Variants in ARHGAP21 observed in about 807,000 individuals in gnomAD.
ARHGAP21 encodes rho GTPase-activating protein 21.
A neutral mutation model predicts 164.6 loss-of-function variants in ARHGAP21; 38 were observed. The observed-to-expected ratio is 0.23, with a 90% CI of 0.18 to 0.30. ARHGAP21 has a LOEUF of 0.30. ARHGAP21 is among the 10% of genes least tolerant of loss of function. ARHGAP21 has a pLI of 1.00. For synonymous variants in ARHGAP21, 766 were observed against 857.9 expected, an observed-to-expected ratio of 0.89 and a Z score of 1.87; for missense variants, 1,822 against 2,370.7, an observed-to-expected ratio of 0.77 and a Z score of 4.81.
chr10:24,722,599 C>G (rs1478369025), intron 1 of ARHGAP21: 1 of 152,282 alleles, frequency 6.6e-6, no homozygotes, highest in Admixed American at 6.5e-5. Context: ...ATCACCCAGA[C>G]AGGGACACTT....
intron 5 of ARHGAP21, among the ~76,000 whole-genome samples, chr10:24,634,570 T>C (rs1423769093): frequency 6.6e-6 from 1 of 152,220 alleles, no homozygotes; most frequent in African/African-American, 2.4e-5. Context: ...AGGCTTATGT[T>C]CCGCATTGGA....
intron 2 of ARHGAP21, among the ~76,000 whole-genome samples, chr10:24,681,000 AG>A (rs1168598067): frequency 6.6e-6 from 1 of 152,216 alleles, no homozygotes; most frequent in Non-Finnish European, 1.5e-5. Context: ...TAATAACTCA[AG>A]GTTAAAAGAA....
intron 7 of ARHGAP21, chr10:24,628,952 C>CTATATATATATATATATATATATA (rs71397962): frequency 1.5e-4 from 2 of 13,764 alleles, no homozygotes; most frequent in Non-Finnish European, 2.2e-4. Context: ...CACACACACA[C>CTATATATATATATATATATATATA]TATATATATA....
intron 25 of ARHGAP21, among the ~76,000 whole-genome samples, chr10:24,586,581 T>C (rs1252137484): frequency 3.9e-5 from 6 of 152,214 alleles, no homozygotes; most frequent in African/African-American, 1.4e-4. Flanking sequence ...CTGACTTTGA[T>C]TTTTCTAATT....
In ARHGAP21 at chr10:24,584,574, T is replaced by G; in HGVS notation, c.5715A>C (p.Ser1905=). ...NTGSSSSTLA[S]TNRPLLSIPP... ...GTATGGAAAGAAGGGGCCTGTTTGT[T>G]GAAGCCAAGGTGCTGGAAGAACTGC... The change falls in exon 26 of 26, where the codon TCA becomes TCC. Residue 1905 remains serine, a synonymous_variant. Coordinates refer to ENST00000396432, the MANE Select transcript of ARHGAP21 (RefSeq NM_020824.4). 1 of 1,613,946 alleles carries G rather than the reference T, an allele frequency of 6.2e-7. No homozygotes were observed. Among genetic ancestry groups the G allele is most frequent in the Non-Finnish European group, 8.5e-7 (1 of 1,179,860 alleles).
At chr10:24,702,726 A>G (rs1345341580) in intron 2 of ARHGAP21, among the ~76,000 whole-genome samples, 1 of 152,086 alleles carries the variant, frequency 6.6e-6, no homozygotes, top group African/African-American at 2.4e-5. Context: ...ATCTGGGACT[A>G]CAGGTGTGCA....
At chr10:24,721,683 C>T (rs1845954270) in intron 2 of ARHGAP21, among the ~76,000 whole-genome samples, 154 bp downstream of exon 2, 1 of 152,250 alleles carries the variant, frequency 6.6e-6, no homozygotes, top group Non-Finnish European at 1.5e-5. Flanking sequence ...CCAGGCTTCT[C>T]CTCGCTACTG....
intron 11 of ARHGAP21, among the ~76,000 whole-genome samples, chr10:24,606,765 C>T (rs1040374753): frequency 2.6e-5 from 4 of 152,050 alleles, no homozygotes; most frequent in Admixed American, 6.6e-5. Context: ...CGCTTGAACC[C>T]GGGAGGTGGA....
chr10:24,585,498 A>C lies in ARHGAP21; in HGVS notation c.4791T>G (p.Thr1597=), dbSNP rs1564943506. 1 of 1,614,152 alleles carries C rather than the reference A, an allele frequency of 6.2e-7. No individual in the cohort carries two copies. Among genetic ancestry groups the C allele is most frequent in the Non-Finnish European group, 8.5e-7 (1 of 1,180,046 alleles). Residue 1597 remains threonine (T), a synonymous_variant, in exon 26 of 26, where the codon ACT becomes ACG. Coordinates refer to ENST00000396432, the MANE Select transcript of ARHGAP21 (RefSeq NM_020824.4). ...YSTTSSATYL[T]SLDSSRLSPE... ...GGCTCAGTCGACTGGAGTCCAGGCT[A>C]GTCAAGTATGTAGCAGACGATGTGG...
intron 2 of ARHGAP21, among the ~76,000 whole-genome samples, chr10:24,701,340 T>C (rs1000747172): frequency 1.2e-4 from 19 of 152,194 alleles, no homozygotes; most frequent in African/African-American, 4.6e-4. Flanking sequence ...CGGCTCTTCT[T>C]TCCTGAAATG....
At chr10:24,651,074 A>C (rs1232814354) in intron 4 of ARHGAP21, among the ~76,000 whole-genome samples, 2 of 152,192 alleles carry the variant, frequency 1.3e-5, no homozygotes, top group Non-Finnish European at 2.9e-5. Flanking sequence ...GGATGAAAAG[A>C]AAAAGGCCAA....
intron 2 of ARHGAP21, among the ~76,000 whole-genome samples, chr10:24,719,576 T>C (rs549003334): frequency 6.6e-6 from 1 of 152,348 alleles, no homozygotes; most frequent in African/African-American, 2.4e-5. Context: ...ACACACATGC[T>C]CATCTCTTTG....
intron 2 of ARHGAP21, among the ~76,000 whole-genome samples, chr10:24,713,423 T>G (rs931655080): frequency 1.3e-5 from 2 of 152,186 alleles, no homozygotes; most frequent in African/African-American, 4.8e-5. Context: ...AGTCTTTAAC[T>G]TCCCTGTTTT....
intron 2 of ARHGAP21, among the ~76,000 whole-genome samples, chr10:24,697,823 G>A (rs181451077): frequency 1.3e-5 from 2 of 151,954 alleles, no homozygotes; most frequent in Admixed American, 6.5e-5. Flanking sequence ...TCGCACCACT[G>A]CACTCCAGCC....
At chr10:24,694,343 G>T (rs897436300) in intron 2 of ARHGAP21, among the ~76,000 whole-genome samples, 33 of 152,224 alleles carry the variant, frequency 2.2e-4, no homozygotes, top group Non-Finnish European at 4.6e-4. Context: ...GCCCTCCGTT[G>T]GTGTTTGGCA....
intron 4 of ARHGAP21, among the ~76,000 whole-genome samples, chr10:24,655,011 A>C (rs1477028137): frequency 2.0e-5 from 3 of 152,200 alleles, no homozygotes; most frequent in Admixed American, 6.5e-5. Flanking sequence ...CAAAAACAAG[A>C]AATGGGGAAA....
At chr10:24,720,217 G>A (rs1181921335) in intron 2 of ARHGAP21, among the ~76,000 whole-genome samples, 1 of 142,172 alleles carries the variant, frequency 7.0e-6, no homozygotes. Context: ...GACAAGATGT[G>A]TCTAAATTCT....
Position 24,585,968 on chromosome 10 carries a change from A to T in ARHGAP21, c.4321T>A (p.Phe1441Ile), listed in dbSNP as rs751585755. 66 of 1,614,080 alleles carry T rather than the reference A, an allele frequency of 4.1e-5. No homozygotes were observed. The highest frequency in any genetic ancestry group is 5.5e-5 in the Non-Finnish European group (65 of 1,180,044). ...TGTTCCACATTTTCTTTCTTAAAAAATACATTGTCCAGTTCATCTTCTGAG... is the reference window on the plus strand; with the variant it reads ...TGTTCCACATTTTCTTTCTTAAAAATTACATTGTCCAGTTCATCTTCTGAG... ...SSSEDELDNV[F>I]FKKENVEQCH... Residue 1441 changes from phenylalanine to isoleucine, a missense_variant, in exon 26 of 26, where the codon TTT (phenylalanine) becomes ATT (isoleucine). Physicochemically the swap from Phe to Ile is conservative, Grantham distance 21. This residue lies in a region of ARHGAP21 where 333 missense variants were observed against 383.9 expected (regional missense o/e 0.87). Transcript: ENST00000396432.
At chr10:24,586,659 A>G (rs538813397) in intron 25 of ARHGAP21, among the ~76,000 whole-genome samples, 8 of 152,356 alleles carry the variant, frequency 5.3e-5, no homozygotes, top group South Asian at 2.1e-4. Context: ...CTGGTCTTCC[A>G]TTAGTTCATT....
Sources: allele counts gnomAD v4.1 joint callset (sites outside exome capture counted in the v4.1 genomes callset), GRCh38; gene constraint gnomAD v4.1.1; regional missense constraint gnomAD v4.1.1; transcripts MANE v1.5; gene names NCBI Gene and HGNC (gene_info 2026-07-23, HGNC 2026-07-21).